CORO2B: variants seen among roughly 807,000 people sequenced by gnomAD.
The protein encoded by CORO2B is coronin 2B.
In CORO2B, 26 loss-of-function variants were observed where a neutral mutation model predicts 58.8. That is an observed-to-expected ratio of 0.44 (90% confidence interval 0.32 to 0.61). CORO2B has a LOEUF of 0.61. Among genes scored for constraint, CORO2B ranks in the 20% least tolerant of loss-of-function variants. CORO2B has a pLI of 0.04. For synonymous variants in CORO2B, 242 were observed against 253.8 expected, an observed-to-expected ratio of 0.95 and a Z score of 0.44; for missense variants, 460 against 645.1, an observed-to-expected ratio of 0.71 and a Z score of 3.11.
the CORO2B span, among the ~76,000 whole-genome samples, chr15:68,564,314 T>C: frequency 6.6e-6 from 1 of 152,102 alleles, no homozygotes; most frequent in Non-Finnish European, 1.5e-5. Flanking sequence ...AATCTTTTTT[T>C]TTTTTTTGAA....
At chr15:68,528,356 C>G in the CORO2B span, among the ~76,000 whole-genome samples, 1 of 152,078 alleles carries the variant, frequency 6.6e-6, no homozygotes, top group Non-Finnish European at 1.5e-5. Flanking sequence ...TAAATTACCA[C>G]TGAGTTTTTT....
chr15:68,579,071 G>T lies in CORO2B; in HGVS notation c.-192G>T, dbSNP rs1433443479. On this transcript the variant is annotated 5_prime_UTR_variant, in exon 1 of 12. Coordinates refer to ENST00000261861, the MANE Select transcript of CORO2B (RefSeq NM_006091.5). Reference sequence around the variant, plus strand: ...TTCGGGGCTGACATCAGCGACGAGCGGCGGGCGAGCGCCGACGAGCGGTCC... The same window carrying T: ...TTCGGGGCTGACATCAGCGACGAGCTGCGGGCGAGCGCCGACGAGCGGTCC... The T allele has an allele frequency of 3.2e-5, 31 of 983,742 alleles. No homozygotes were observed. The highest frequency in any genetic ancestry group is 3.4e-5 in the Non-Finnish European group (28 of 829,372). The allele number at this position is 983,742 out of a possible 1,614,324, so 60.9% of individuals were successfully genotyped here. A position where few individuals can be genotyped will look rare whatever the true frequency, so the allele number is the denominator to read the frequency against.
chr15:68,677,094 C>T (rs1056075370), intron 2 of CORO2B, among the ~76,000 whole-genome samples: 9 of 152,172 alleles, frequency 5.9e-5, no homozygotes, highest in African/African-American at 2.2e-4. Flanking sequence ...TTTTGCAGCA[C>T]TTTCGGGACT....
At chr15:68,600,933 G>A (rs906788153) in intron 1 of CORO2B, among the ~76,000 whole-genome samples, 3 of 152,110 alleles carry the variant, frequency 2.0e-5, no homozygotes, top group East Asian at 1.9e-4. Flanking sequence ...GCTGATTCTC[G>A]GTTTCTAGAA....
chr15:68,534,803 A>T, the CORO2B span, among the ~76,000 whole-genome samples: 5 of 152,202 alleles, frequency 3.3e-5, no homozygotes, highest in African/African-American at 1.2e-4. Context: ...GGTTTAAAGG[A>T]CTCACAGTTC....
intron 2 of CORO2B, among the ~76,000 whole-genome samples, chr15:68,650,029 CAAGAG>C (rs1001997844): frequency 2.6e-5 from 4 of 152,170 alleles, no homozygotes; most frequent in African/African-American, 9.7e-5. Context: ...TAATATTTAA[CAAGAG>C]AAAACTATTT....
chr15:68,616,820 C>T (rs1900372486), intron 1 of CORO2B, among the ~76,000 whole-genome samples: 2 of 152,144 alleles, frequency 1.3e-5, no homozygotes, highest in Admixed American at 6.5e-5. Context: ...GGTTCTGGAA[C>T]CAAACACACA....
rs570823611 is a variant in CORO2B at position 68,658,536 on chromosome 15, C to T, written c.216+13176C>T. Among the ~76,000 whole-genome samples the T allele has an allele frequency of 1.8e-4, 27 of 152,332 alleles. 1 individual carries two copies. Among genetic ancestry groups the T allele is most frequent in the African/African-American group, 2.4e-5 (1 of 41,572 alleles). On this transcript the variant is annotated intron_variant, in intron 2 of 11. Coordinates refer to ENST00000261861, the MANE Select transcript of CORO2B (RefSeq NM_006091.5). ...TCACTCTTGGGTGCTTAACTCTTTG[C>T]ACCCACTCCCCACTTTTTCCCACCC...
At chr15:68,717,567 A>T (rs571503967) in intron 8 of CORO2B, among the ~76,000 whole-genome samples, 4 of 152,340 alleles carry the variant, frequency 2.6e-5, no homozygotes, top group African/African-American at 7.2e-5. Context: ...GACTCACTTC[A>T]TCCTCATCCT....
At chr15:68,522,480 C>T in the CORO2B span, among the ~76,000 whole-genome samples, 3 of 151,998 alleles carry the variant, frequency 2.0e-5, no homozygotes, top group African/African-American at 4.8e-5. Flanking sequence ...GATGGAGTCT[C>T]GCTCTGTCAT....
the CORO2B span, among the ~76,000 whole-genome samples, chr15:68,564,583 A>T: frequency 2.0e-5 from 3 of 152,174 alleles, no homozygotes; most frequent in Non-Finnish European, 4.4e-5. Context: ...CAGTGCCGGG[A>T]TTACAGGCAT....
chr15:68,519,548 T>C, the CORO2B span, among the ~76,000 whole-genome samples: 1 of 152,224 alleles, frequency 6.6e-6, no homozygotes, highest in African/African-American at 2.4e-5. Context: ...GATTTTTTGC[T>C]CTCCCTCTTT....
rs1029636166 is a variant in CORO2B, at chr15:68,710,851, C to T, written c.453C>T (p.Asn151=). ...GLVEWHPTTN[N]ILFSAGYDYK... ...TCGAGTGGCACCCCACCACCAACAACATCCTGTTCAGCGCTGGCTACGACT... is the reference window on the plus strand; with the variant it reads ...TCGAGTGGCACCCCACCACCAACAATATCCTGTTCAGCGCTGGCTACGACT... The change falls in exon 4 of 12, where the codon AAC becomes AAT. Residue 151 remains asparagine (N), a synonymous_variant. Transcript: ENST00000261861. This position sits in a 1 kb window ranked among gnomAD's most constrained non-coding sequence, Gnocchi z 4.1. 6 of 1,610,742 alleles carry T rather than the reference C, an allele frequency of 3.7e-6. No individual in the cohort carries two copies. Among genetic ancestry groups the T allele is most frequent in the Non-Finnish European group, 3.4e-6 (4 of 1,178,764 alleles).
chr15:68,682,447 A>C (rs1902821962), intron 2 of CORO2B, among the ~76,000 whole-genome samples: 1 of 151,708 alleles, frequency 6.6e-6, no homozygotes, highest in Non-Finnish European at 1.5e-5. Flanking sequence ...ACAGAGAGGT[A>C]CAGGGAGTCT....
chr15:68,641,001 G>T (rs755904376), intron 1 of CORO2B, among the ~76,000 whole-genome samples: 1 of 152,194 alleles, frequency 6.6e-6, no homozygotes, highest in African/African-American at 2.4e-5. Context: ...GGAGCTCCAC[G>T]CCCAGGGTTG....
intron 5 of CORO2B, among the ~76,000 whole-genome samples, chr15:68,713,577 A>G (rs1019503077): frequency 6.6e-6 from 1 of 152,082 alleles, no homozygotes; most frequent in African/African-American, 2.4e-5. Context: ...GAGAAAACCC[A>G]TTCCTTGCCT....
intron 2 of CORO2B, among the ~76,000 whole-genome samples, chr15:68,651,919 C>T (rs1029590924): frequency 2.6e-5 from 4 of 152,122 alleles, no homozygotes; most frequent in African/African-American, 9.7e-5. Context: ...AGTAGGAAGC[C>T]GTGTCTACAA....
At chr15:68,532,983 A>T in the CORO2B span, among the ~76,000 whole-genome samples, 1 of 152,220 alleles carries the variant, frequency 6.6e-6, no homozygotes, top group South Asian at 2.1e-4. Context: ...CAGCCTCCAC[A>T]TGGATGGCTT....
chr15:68,522,765 A>G, the CORO2B span, among the ~76,000 whole-genome samples: 1 of 152,208 alleles, frequency 6.6e-6, no homozygotes, highest in Non-Finnish European at 1.5e-5. Flanking sequence ...ATATCTTTTT[A>G]TGAGCATATT....
Sources: gnomAD v4.1 joint callset for allele counts (sites outside exome capture counted in the v4.1 genomes callset) on GRCh38, gnomAD v4.1.1 for gene constraint, Gnocchi (gnomAD v3.1) non-coding constraint, MANE v1.5 for transcripts, NCBI Gene and HGNC (gene_info 2026-07-23, HGNC 2026-07-21) for gene names.